Variants in FNDC3A observed in about 807,000 individuals in gnomAD.
FNDC3A encodes fibronectin type III domain containing 3A.
Under a neutral mutation model 148.9 loss-of-function variants are expected in FNDC3A, and 32 were observed. That is an observed-to-expected ratio of 0.21 (90% CI 0.16 to 0.29). The LOEUF is 0.29. Ranked by LOEUF, FNDC3A falls within the 10% of genes least tolerant of loss-of-function variation. FNDC3A has a pLI of 1.00. For synonymous variants in FNDC3A, 472 were observed against 473.6 expected, an observed-to-expected ratio of 1.00 and a Z score of 0.04; for missense variants, 1,191 against 1,452.8, an observed-to-expected ratio of 0.82 and a Z score of 2.93.
intron 3 of FNDC3A, among the ~76,000 whole-genome samples, chr13:49,110,683 A>G (rs1357395169): frequency 6.6e-6 from 1 of 152,220 alleles, no homozygotes; most frequent in Admixed American, 6.5e-5. Context: ...TTTGGAAGCC[A>G]TTGTGAACGC....
In FNDC3A at chr13:49,197,877, A is replaced by G; in HGVS notation, c.2490+3A>G. 1 of 1,598,840 alleles carries G rather than the reference A, an allele frequency of 6.3e-7. No individual in the cohort carries two copies. Among genetic ancestry groups the G allele is most frequent in the South Asian group, 1.1e-5 (1 of 88,092 alleles). On this transcript the variant is annotated splice_donor_region_variant and intron_variant, in intron 21 of 25. Coordinates refer to ENST00000492622, the MANE Select transcript of FNDC3A (RefSeq NM_001079673.2). ...CTACCTATTATTGCAGGGTCCAGGT[A>G]AAGATGATCAGTACCTTGTCACTTA... is the stretch of plus-strand genomic sequence containing the variant.
intron 2 of FNDC3A, among the ~76,000 whole-genome samples, chr13:49,039,501 T>A (rs961080941): frequency 6.6e-6 from 1 of 152,160 alleles, no homozygotes; most frequent in African/African-American, 2.4e-5. Context: ...AAGTAAATAA[T>A]TTTATATATG....
At chr13:49,070,538 A>G (rs1020894783) in intron 2 of FNDC3A, among the ~76,000 whole-genome samples, 1 of 152,212 alleles carries the variant, frequency 6.6e-6, no homozygotes, top group African/African-American at 2.4e-5. Context: ...TAATTGGGAT[A>G]TCTGTCATCT....
intron 2 of FNDC3A, among the ~76,000 whole-genome samples, chr13:49,060,851 G>C (rs1034918408): frequency 2.0e-5 from 3 of 152,048 alleles, no homozygotes; most frequent in African/African-American, 7.2e-5. Flanking sequence ...GTAGAATGTA[G>C]AGTGACTGCT....
At position 49,197,036 on chromosome 13, in the gene FNDC3A, G is replaced by C. The variant is rs1274858846; in HGVS notation, c.2340+46G>C. On this transcript the variant is annotated intron_variant, in intron 20 of 25. Coordinates refer to ENST00000492622, the MANE Select transcript of FNDC3A (RefSeq NM_001079673.2). ...TTGTATCTACTTTCTTAAGTGAATA[G>C]AATAGTTTATATAAAAGAATAAAGA... 7 of 1,116,590 alleles carry C rather than the reference G, an allele frequency of 6.3e-6. No individual in the cohort carries two copies. In the Admixed American group the frequency reaches 1.2e-4, roughly 19 times the overall value. 69.2% of individuals were successfully genotyped at this position (1,116,590 alleles called of 1,614,324 possible).
At chr13:49,140,942 CAG>C (rs761718507) in intron 7 of FNDC3A, among the ~76,000 whole-genome samples, 45 of 152,162 alleles carry the variant, frequency 3.0e-4, no homozygotes, top group South Asian at 2.1e-4. Flanking sequence ...GCATTGAGGA[CAG>C]GGGTGGAAAG....
At position 49,131,385 on chromosome 13, in the gene FNDC3A, TA is replaced by T; in HGVS notation, c.490+15del. On this transcript the variant is annotated intron_variant, in intron 5 of 25. Coordinates refer to ENST00000492622, the MANE Select transcript of FNDC3A (RefSeq NM_001079673.2). Reference sequence around the variant, plus strand: ...TCTATGGAGATGTAGGTAAGACATCTAAAAGTATTCCACTGTTATTGAGTTG... The same window carrying T: ...TCTATGGAGATGTAGGTAAGACATCTAAAGTATTCCACTGTTATTGAGTTG... 1 of 1,545,350 alleles carries T rather than the reference TA, an allele frequency of 6.5e-7. No individual in the cohort carries two copies. Among genetic ancestry groups the T allele is most frequent in the South Asian group, 1.1e-5 (1 of 89,700 alleles).
intron 3 of FNDC3A, among the ~76,000 whole-genome samples, chr13:49,075,590 A>G (rs1937510991): frequency 6.6e-6 from 1 of 152,008 alleles, no homozygotes; most frequent in South Asian, 2.1e-4. Context: ...TATATTGTTC[A>G]TGTCTCTTTC....
At chr13:49,034,393 C>G (rs1874347664) in intron 2 of FNDC3A, among the ~76,000 whole-genome samples, 1 of 151,968 alleles carries the variant, frequency 6.6e-6, no homozygotes, top group Non-Finnish European at 1.5e-5. Flanking sequence ...CTCTTTCATA[C>G]AGGTACACAC....
chr13:49,178,436 C>T (rs773753802), intron 13 of FNDC3A, 132 bp from the exon 14 acceptor site: 45 of 607,164 alleles, frequency 7.4e-5, no homozygotes, highest in Non-Finnish European at 1.1e-4. Flanking sequence ...GTGAGGATTC[C>T]ACTCAACAGA....
At chr13:49,118,613 T>C (rs1881122050) in intron 4 of FNDC3A, among the ~76,000 whole-genome samples, 1 of 152,152 alleles carries the variant, frequency 6.6e-6, no homozygotes, top group Non-Finnish European at 1.5e-5. Context: ...TGGCTTGAAA[T>C]TCTCGCTGCC....
intron 3 of FNDC3A, among the ~76,000 whole-genome samples, chr13:49,100,089 A>G (rs1483850188): frequency 6.6e-6 from 1 of 152,136 alleles, no homozygotes; most frequent in Non-Finnish European, 1.5e-5. Context: ...TAAAATACAT[A>G]TATACTAAGA....
chr13:49,008,400 T>C (rs111268869), intron 2 of FNDC3A, among the ~76,000 whole-genome samples: 1,812 of 152,270 alleles, frequency 0.012, 37 homozygotes, highest in African/African-American at 0.039. Context: ...TATGGAGATA[T>C]GACACAACTT....
At chr13:49,146,084 G>T in intron 8 of FNDC3A, 149 bp downstream of exon 8, 1 of 584,022 alleles carries the variant, frequency 1.7e-6, no homozygotes, top group Admixed American at 3.6e-5. Flanking sequence ...AATGTAAATG[G>T]TCCAAATGTA....
At chr13:49,029,212 A>G (rs117560140) in intron 2 of FNDC3A, among the ~76,000 whole-genome samples, 118 of 152,316 alleles carry the variant, frequency 7.7e-4, no homozygotes, top group Non-Finnish European at 1.6e-3. Context: ...GATAGAAATA[A>G]TACAAAGTAT....
chr13:49,037,767 C>A (rs1456677621), intron 2 of FNDC3A, among the ~76,000 whole-genome samples: 1 of 152,190 alleles, frequency 6.6e-6, no homozygotes, highest in Non-Finnish European at 1.5e-5. Context: ...GGAGCGGGAA[C>A]TCGCAGATGG....
intron 4 of FNDC3A, among the ~76,000 whole-genome samples, chr13:49,123,367 A>T (rs9596064): frequency 6.6e-6 from 1 of 151,994 alleles, no homozygotes; most frequent in African/African-American, 2.4e-5. Context: ...TTAAAGACTT[A>T]AATATAAAAC....
At chr13:49,136,686 A>AT (rs1882384290) in intron 6 of FNDC3A, 85 bp downstream of exon 6, 3 of 1,344,692 alleles carry the variant, frequency 2.2e-6, no homozygotes, top group South Asian at 1.4e-5. Context: ...CCTTTCAGTC[A>AT]TTTTGTCATG....
At chr13:49,076,970 A>G (rs1593556919) in intron 3 of FNDC3A, among the ~76,000 whole-genome samples, 1 of 152,256 alleles carries the variant, frequency 6.6e-6, no homozygotes, top group South Asian at 2.1e-4. Context: ...TTTAACTAAT[A>G]GTTATTGCTT....
Sources: gnomAD v4.1 joint callset for allele counts (sites outside exome capture counted in the v4.1 genomes callset) on GRCh38, gnomAD v4.1.1 for gene constraint, MANE v1.5 for transcripts, NCBI Gene and HGNC (gene_info 2026-07-23, HGNC 2026-07-21) for gene names.